ANXA8: variants seen among roughly 807,000 people sequenced by gnomAD.
ANXA8 encodes annexin A8, also known as VAC-beta.
Under a neutral mutation model 26.8 loss-of-function variants are expected in ANXA8, and 9 were observed. The observed-to-expected ratio is 0.34, with a 90% CI of 0.20 to 0.59. ANXA8 has a LOEUF of 0.59. Among genes scored for constraint, ANXA8 ranks in the 20% least tolerant of loss-of-function variants. The probability of loss-of-function intolerance (pLI) is 0.84; values close to 1 mark genes in which losing one functional copy is unlikely to be tolerated. For missense variants in ANXA8, 83 were observed against 238.5 expected (o/e 0.35, Z 4.29); for synonymous variants, 39 against 94.8 (o/e 0.41, Z 3.42).
chr10:47,931,343 G>A, the ANXA8 span, among the ~76,000 whole-genome samples: 1 of 146,826 alleles, frequency 6.8e-6, no homozygotes, highest in Non-Finnish European at 1.5e-5. Context: ...CTTTATTAGG[G>A]AGAAAGATCC....
chr10:47,746,751 G>A, the ANXA8 span, among the ~76,000 whole-genome samples: 2 of 126,950 alleles, frequency 1.6e-5, no homozygotes, highest in Admixed American at 8.3e-5. Context: ...TTAGAAATGA[G>A]TGCTTATTTA....
chr10:47,649,381 C>A, the ANXA8 span, among the ~76,000 whole-genome samples: 1 of 151,462 alleles, frequency 6.6e-6, no homozygotes. Context: ...TCAAAAACAG[C>A]AAATAGATAA....
At chr10:47,721,158 C>CA in the ANXA8 span, among the ~76,000 whole-genome samples, 151 of 140,996 alleles carry the variant, frequency 1.1e-3, 13 homozygotes, top group African/African-American at 3.6e-3. Context: ...AAAATCAAAA[C>CA]AAAAAATGCA....
chr10:47,660,808 CAAAAAAAA>C, the ANXA8 span, among the ~76,000 whole-genome samples: 1 of 61,018 alleles, frequency 1.6e-5, no homozygotes, highest in African/African-American at 5.2e-5. Flanking sequence ...CACTGACTGT[CAAAAAAAA>C]AAAAAAAAAA....
At chr10:47,984,848 G>T in the ANXA8 span, among the ~76,000 whole-genome samples, 2 of 135,988 alleles carry the variant, frequency 1.5e-5, no homozygotes, top group Admixed American at 7.5e-5. Context: ...GGGACATTTT[G>T]GTTCTTTTCT....
At chr10:47,745,716 T>A in the ANXA8 span, among the ~76,000 whole-genome samples, 2 of 136,968 alleles carry the variant, frequency 1.5e-5, no homozygotes, top group Non-Finnish European at 3.2e-5. Context: ...AGATCCCAGC[T>A]CCAGGAAACA....
chr10:47,632,062 CT>C, the ANXA8 span, among the ~76,000 whole-genome samples: 3 of 152,250 alleles, frequency 2.0e-5, no homozygotes, highest in African/African-American at 7.2e-5. Context: ...CAACGGACAC[CT>C]AGGGATGGAG....
At chr10:47,902,612 AAC>A in the ANXA8 span, among the ~76,000 whole-genome samples, 2 of 91,586 alleles carry the variant, frequency 2.2e-5, no homozygotes, top group Admixed American at 1.2e-4. Flanking sequence ...AACACATCTA[AAC>A]ACATATACAC....
At chr10:47,959,720 TC>T in the ANXA8 span, among the ~76,000 whole-genome samples, 1 of 149,112 alleles carries the variant, frequency 6.7e-6, no homozygotes, top group Admixed American at 6.7e-5. Flanking sequence ...AAAGTCATGG[TC>T]ACGGATTTCC....
At chr10:47,971,278 T>A in the ANXA8 span, among the ~76,000 whole-genome samples, 5 of 151,210 alleles carry the variant, frequency 3.3e-5, no homozygotes, top group East Asian at 9.7e-4. Flanking sequence ...CTGAGGAAAC[T>A]AGTGCTGGAG....
At chr10:47,557,806 G>A in the ANXA8 span, among the ~76,000 whole-genome samples, 1 of 150,334 alleles carries the variant, frequency 6.7e-6, no homozygotes, top group East Asian at 2.0e-4. Flanking sequence ...CTAGCTGGAG[G>A]CTTTTGTGTG....
chr10:47,587,002 C>G, the ANXA8 span, among the ~76,000 whole-genome samples: 7 of 146,128 alleles, frequency 4.8e-5, no homozygotes, highest in Non-Finnish European at 8.8e-5. Flanking sequence ...GTCAAGAGAT[C>G]AAGACCATCC....
chr10:47,497,021 C>T, the ANXA8 span, among the ~76,000 whole-genome samples: 10 of 150,398 alleles, frequency 6.6e-5, 2 homozygotes, highest in African/African-American at 2.5e-4. Flanking sequence ...TTTTCTCAAA[C>T]GTTAAAATTT....
At chr10:47,513,654 C>T in the ANXA8 span, among the ~76,000 whole-genome samples, 1 of 140,166 alleles carries the variant, frequency 7.1e-6, no homozygotes, top group Non-Finnish European at 1.6e-5. Flanking sequence ...AGGCCATAGT[C>T]GCCAAAATAG....
the ANXA8 span, among the ~76,000 whole-genome samples, chr10:47,732,811 C>G: frequency 1.4e-5 from 2 of 142,302 alleles, no homozygotes; most frequent in Admixed American, 7.2e-5. Context: ...TGCAGACGTT[C>G]GCTGAATGTC....
chr10:47,607,535 TC>T, the ANXA8 span, among the ~76,000 whole-genome samples: 3 of 144,456 alleles, frequency 2.1e-5, no homozygotes, highest in Non-Finnish European at 4.5e-5. Context: ...TGTACAATCA[TC>T]CATTACTTTA....
the ANXA8 span, chr10:47,565,784 C>G: frequency 3.2e-6 from 3 of 948,520 alleles, no homozygotes; most frequent in East Asian, 1.0e-4. Flanking sequence ...GGGCGGGCGC[C>G]CCGGAACCCA....
the ANXA8 span, among the ~76,000 whole-genome samples, chr10:47,653,527 G>T: frequency 6.6e-6 from 1 of 151,630 alleles, no homozygotes; most frequent in African/African-American, 2.4e-5. Flanking sequence ...GAGACTTAGT[G>T]GGAAAATTAA....
chr10:47,702,685 G>T, the ANXA8 span, among the ~76,000 whole-genome samples: 1 of 151,772 alleles, frequency 6.6e-6, no homozygotes, highest in Non-Finnish European at 1.5e-5. Flanking sequence ...CCAGGCTAGA[G>T]TACAGTGGTG....
Sources: gnomAD v4.1 joint callset for allele counts (sites outside exome capture counted in the v4.1 genomes callset) on GRCh38, gnomAD v4.1.1 for gene constraint, MANE v1.5 for transcripts, NCBI Gene and HGNC (gene_info 2026-07-23, HGNC 2026-07-21) for gene names.